Variants in ENPP6 observed in about 807,000 individuals in gnomAD.
The protein encoded by ENPP6 is glycerophosphocholine cholinephosphodiesterase ENPP6.
In ENPP6, 32 loss-of-function variants were observed where a neutral mutation model predicts 42.0. The ratio of observed to expected loss-of-function variants is 0.76; its 90% CI spans 0.58 to 1.02. The LOEUF (loss-of-function observed/expected upper bound fraction) is 1.02, where lower values mean the gene tolerates loss of function less well. Ranked by LOEUF, ENPP6 falls within the 50% of genes least tolerant of loss-of-function variation. The pLI is 0.00. For missense variants in ENPP6, 552 were observed against 566.8 expected, an observed-to-expected ratio of 0.97 and a Z score of 0.27; for synonymous variants, 213 against 216.0, an observed-to-expected ratio of 0.99 and a Z score of 0.12.
intron 7 of ENPP6, among the ~76,000 whole-genome samples, chr4:184,095,341 C>T (rs1456887101): frequency 6.6e-6 from 1 of 151,948 alleles, no homozygotes; most frequent in African/African-American, 2.4e-5. Flanking sequence ...GGGTTTGGGG[C>T]TAGATTTGGT....
intron 1 of ENPP6, among the ~76,000 whole-genome samples, chr4:184,205,328 G>A (rs1041127220): frequency 6.6e-6 from 1 of 152,202 alleles, no homozygotes; most frequent in Non-Finnish European, 1.5e-5. Flanking sequence ...GCGCTGGTGG[G>A]GTGGCTGGGG....
chr4:184,101,324 G>A (rs867401524), intron 6 of ENPP6, among the ~76,000 whole-genome samples: 3,578 of 145,248 alleles, frequency 0.025, 132 homozygotes, highest in African/African-American at 0.079. Flanking sequence ...GTGTGTGTGT[G>A]TGTGTGTGTG....
At chr4:184,133,990 T>C (rs1436260399) in intron 2 of ENPP6, among the ~76,000 whole-genome samples, 1 of 152,080 alleles carries the variant, frequency 6.6e-6, no homozygotes, top group Non-Finnish European at 1.5e-5. Flanking sequence ...ATTCTATTGA[T>C]GTATTGATAG....
At chr4:184,163,387 G>A (rs1579643534) in intron 1 of ENPP6, among the ~76,000 whole-genome samples, 1 of 152,182 alleles carries the variant, frequency 6.6e-6, no homozygotes, top group Non-Finnish European at 1.5e-5. Flanking sequence ...TGGGTGGGGT[G>A]AAGAAGTAAA....
rs982077490 is a variant in ENPP6 at position 184,090,915 on chromosome 4, C to T, written c.*262G>A. On this transcript the variant is annotated 3_prime_UTR_variant, in exon 8 of 8. Transcript: ENST00000296741. Reference sequence around the variant, plus strand: ...TGCTCAGAGAGTTCATCCTGAGTAACGTGAAAAGAAAGGAGAAAATGACAT... The same window carrying T: ...TGCTCAGAGAGTTCATCCTGAGTAATGTGAAAAGAAAGGAGAAAATGACAT... 4.2e-5 allele frequency: 19 copies of T among 453,498 alleles called. No homozygotes were observed. The Admixed American group carries it at 6.3e-4, about 15-fold the overall frequency. 28.1% of individuals were successfully genotyped at this position (453,498 alleles called of 1,614,324 possible).
intron 1 of ENPP6, among the ~76,000 whole-genome samples, chr4:184,176,315 T>C (rs920798354): frequency 4.6e-5 from 7 of 152,200 alleles, no homozygotes; most frequent in African/African-American, 1.7e-4. Flanking sequence ...GGATGCAAGG[T>C]GCATTGCCAA....
chr4:184,153,566 A>G lies in ENPP6; in HGVS notation c.409T>C (p.Tyr137His), dbSNP rs1737094512. 1.1e-5 allele frequency: 17 copies of G among 1,613,386 alleles called. No individual in the cohort carries two copies. Among genetic ancestry groups the G allele is most frequent in the Non-Finnish European group, 1.4e-5 (17 of 1,179,738 alleles). The change falls in exon 2 of 8, where the codon TAC becomes CAC. Residue 137 changes from tyrosine (Y) to histidine (H), a missense_variant. Transcript: ENST00000296741. ...LTKAKRKVYMYYWPGCEVEIL... is the reference protein window; with the variant it reads ...LTKAKRKVYMHYWPGCEVEIL... ...TTCACACACTCACCTGGCCAGTAGTACATGTAGACCTTCCTTTTGGCCTTG... is the reference window on the plus strand; with the variant it reads ...TTCACACACTCACCTGGCCAGTAGTGCATGTAGACCTTCCTTTTGGCCTTG...
intron 1 of ENPP6, among the ~76,000 whole-genome samples, chr4:184,195,600 C>T (rs1732782193): frequency 6.6e-6 from 1 of 152,154 alleles, no homozygotes; most frequent in African/African-American, 2.4e-5. Context: ...ATTCCCCGTC[C>T]CCACAGCCCC....
chr4:184,119,009 C>G (rs75746047), intron 3 of ENPP6, among the ~76,000 whole-genome samples: 1,594 of 152,274 alleles, frequency 0.01, 26 homozygotes, highest in South Asian at 0.039. Context: ...ACTAAAGTGG[C>G]TGACTGTTAA....
chr4:184,129,105 T>C (rs1170435119), intron 2 of ENPP6, among the ~76,000 whole-genome samples: 1 of 152,226 alleles, frequency 6.6e-6, no homozygotes, highest in African/African-American at 2.4e-5. Context: ...AAATCAGGAA[T>C]GCTATCATCA....
At chr4:184,185,800 A>G (rs4306996) in intron 1 of ENPP6, among the ~76,000 whole-genome samples, 3 of 152,386 alleles carry the variant, frequency 2.0e-5, no homozygotes, top group Admixed American at 2.0e-4. Context: ...CATGGCAACC[A>G]AACGTACTGC....
intron 7 of ENPP6, among the ~76,000 whole-genome samples, chr4:184,094,418 G>A (rs983278460): frequency 1.3e-5 from 2 of 152,250 alleles, no homozygotes; most frequent in African/African-American, 4.8e-5. Context: ...TAAGCATAAA[G>A]GAGGATTGAG....
intron 7 of ENPP6, among the ~76,000 whole-genome samples, chr4:184,093,566 G>A (rs558722260): frequency 2.0e-5 from 3 of 151,704 alleles, no homozygotes; most frequent in African/African-American, 7.3e-5. Flanking sequence ...TTGAATCCAG[G>A]AGGCGGAGGT....
intron 1 of ENPP6, among the ~76,000 whole-genome samples, chr4:184,170,957 G>A (rs567806878): frequency 6.6e-6 from 1 of 152,146 alleles, no homozygotes; most frequent in Non-Finnish European, 1.5e-5. Flanking sequence ...AAACAGGCAG[G>A]TTCTTTTAGG....
intron 2 of ENPP6, among the ~76,000 whole-genome samples, chr4:184,148,382 C>T (rs1253616705): frequency 1.3e-5 from 2 of 152,156 alleles, no homozygotes; most frequent in Non-Finnish European, 2.9e-5. Flanking sequence ...ACTCTTTTGG[C>T]CAAGATACCA....
chr4:184,105,938 T>G (rs760891305), intron 6 of ENPP6, among the ~76,000 whole-genome samples: 1 of 152,238 alleles, frequency 6.6e-6, no homozygotes, highest in Non-Finnish European at 1.5e-5. Flanking sequence ...GTTCTTCCCA[T>G]GAGCTATGAA....
At chr4:184,170,271 A>G (rs1240984070) in intron 1 of ENPP6, among the ~76,000 whole-genome samples, 2 of 152,142 alleles carry the variant, frequency 1.3e-5, no homozygotes, top group African/African-American at 2.4e-5. Context: ...CTCTACAAGA[A>G]ATACAAAAAT....
chr4:184,110,094 C>T (rs1407067639), intron 6 of ENPP6, among the ~76,000 whole-genome samples: 2 of 152,124 alleles, frequency 1.3e-5, no homozygotes, highest in Non-Finnish European at 2.9e-5. Flanking sequence ...TGTCCTCAGA[C>T]GTGTCACTGG....
chr4:184,133,264 T>C (rs112546527), intron 2 of ENPP6, among the ~76,000 whole-genome samples: 1,545 of 152,290 alleles, frequency 0.01, 22 homozygotes, highest in South Asian at 0.04. Flanking sequence ...ATACTAAGAC[T>C]ACCAGTTTAT....
Sources: gnomAD v4.1 joint callset for allele counts (sites outside exome capture counted in the v4.1 genomes callset) on GRCh38, gnomAD v4.1.1 for gene constraint, MANE v1.5 for transcripts, NCBI Gene and HGNC (gene_info 2026-07-23, HGNC 2026-07-21) for gene names.